Variants in PIK3C3 observed in about 807,000 individuals in gnomAD.
The protein encoded by PIK3C3 is PI3-kinase type 3.
A neutral mutation model predicts 126.1 loss-of-function variants in PIK3C3; 95 were observed. That is an observed-to-expected ratio of 0.75 (90% CI 0.64 to 0.89). PIK3C3 has a LOEUF of 0.89. Ranked by LOEUF, PIK3C3 falls within the 40% of genes least tolerant of loss-of-function variation. PIK3C3 has a pLI of 0.00. For missense variants in PIK3C3, 829 were observed against 1,063.2 expected, an observed-to-expected ratio of 0.78 and a Z score of 3.06; for synonymous variants, 374 against 360.0, an observed-to-expected ratio of 1.04 and a Z score of -0.44.
chr18:42,087,817 C>A lies in PIK3C3; in HGVS notation c.*6680C>A, dbSNP rs953706866. ...AGAATGTCTAATTCAATAAATGTTTCATAAATGAGTAAATGAATGTTTTAA... is the reference window on the plus strand; with the variant it reads ...AGAATGTCTAATTCAATAAATGTTTAATAAATGAGTAAATGAATGTTTTAA... On this transcript the variant is annotated 3_prime_UTR_variant, in exon 25 of 25. Transcript: ENST00000262039. 1 of 152,146 alleles carries A rather than the reference C, an allele frequency of 6.6e-6. No homozygotes were observed. The allele number at this position is 152,146 out of a possible 1,614,324, so 9.4% of individuals were successfully genotyped here.
At chr18:42,070,129 G>A (rs1437277190) in intron 24 of PIK3C3, among the ~76,000 whole-genome samples, 1 of 152,132 alleles carries the variant, frequency 6.6e-6, no homozygotes, top group East Asian at 1.9e-4. Flanking sequence ...TCAGACTCCT[G>A]CCCAAACTGC....
At chr18:42,076,089 CATATATATATATATATATATAT>C (rs71174077) in intron 24 of PIK3C3, among the ~76,000 whole-genome samples, 2 of 54,660 alleles carry the variant, frequency 3.7e-5, no homozygotes, top group Non-Finnish European at 6.6e-5. Flanking sequence ...CTTTACCTTG[CATATATATATATATATATATAT>C]ATATATATAT....
chr18:42,077,122 C>T (rs1217709357), intron 24 of PIK3C3, among the ~76,000 whole-genome samples: 1 of 152,194 alleles, frequency 6.6e-6, no homozygotes, highest in Non-Finnish European at 1.5e-5. Flanking sequence ...TATGCAGTAG[C>T]ATTATGTCTT....
chr18:41,994,954 C>T (rs1265103893), intron 7 of PIK3C3, among the ~76,000 whole-genome samples: 1 of 152,004 alleles, frequency 6.6e-6, no homozygotes, highest in East Asian at 1.9e-4. Context: ...AGGAGGATTG[C>T]TTGAACTCAG....
rs28653467 is a variant in PIK3C3 at position 42,066,049 on chromosome 18, G to T, written c.2523+1219G>T. 3.7e-3 allele frequency among the ~76,000 whole-genome samples: 558 copies of T among 152,204 alleles called. 1 individual carries two copies. The highest frequency in any genetic ancestry group is 0.012 in the African/African-American group (501 of 41,514). ...TTTCCTTAAAAATAGTTCCAAAATT[G>T]TCAGATATTCTCTCTGTAAGTAGAA... On this transcript the variant is annotated intron_variant, in intron 23 of 24. Transcript: ENST00000262039.
chr18:42,033,736 G>A, intron 15 of PIK3C3, 90 bp from the exon 16 acceptor site: 1 of 948,402 alleles, frequency 1.1e-6, no homozygotes, highest in South Asian at 1.7e-5. Flanking sequence ...ATACTTTTAA[G>A]TTAATGGAAT....
chr18:42,014,120 C>T (rs1164620946), intron 11 of PIK3C3, among the ~76,000 whole-genome samples: 56 of 145,234 alleles, frequency 3.9e-4, no homozygotes, highest in African/African-American at 7.7e-5. Context: ...GCCTGGCCAA[C>T]ATGGTGACAC....
chr18:42,028,894 C>CTTT (rs1352848805), intron 14 of PIK3C3, among the ~76,000 whole-genome samples: 9 of 152,082 alleles, frequency 5.9e-5, no homozygotes, highest in African/African-American at 2.2e-4. Context: ...TTGAAGTTTT[C>CTTT]TTTTTTTAAA....
In PIK3C3 at chr18:42,057,873, C is replaced by T. The variant is rs781412656; in HGVS notation, c.2264-10C>T. Reference sequence around the variant, plus strand: ...TTCTGGAAACAAATGAGTTTCTTGTCAACATCCAGGCAAACTCTTCCACAT... The same window carrying T: ...TTCTGGAAACAAATGAGTTTCTTGTTAACATCCAGGCAAACTCTTCCACAT... On this transcript the variant is annotated splice_polypyrimidine_tract_variant and intron_variant, in intron 21 of 24. Transcript: ENST00000262039. The T allele has an allele frequency of 6.2e-7, 1 of 1,612,686 alleles. No individual in the cohort carries two copies.
intron 2 of PIK3C3, among the ~76,000 whole-genome samples, chr18:41,960,871 AGCTGGGACTACAGGC>A (rs1264339090): frequency 2.6e-5 from 4 of 151,704 alleles, no homozygotes; most frequent in African/African-American, 9.7e-5. Context: ...CCTCCCAAGT[AGCTGGGACTACAGGC>A]GCGCACCACC....
At chr18:42,050,540 A>C (rs1984756710) in intron 21 of PIK3C3, 2 of 152,232 alleles carry the variant, frequency 1.3e-5, no homozygotes, top group Admixed American at 1.3e-4. Context: ...TTTCCATTTC[A>C]ATAGATAGCA....
chr18:42,033,175 G>A (rs941142348), intron 15 of PIK3C3, among the ~76,000 whole-genome samples: 1 of 152,242 alleles, frequency 6.6e-6, no homozygotes, highest in African/African-American at 2.4e-5. Context: ...AATAGAAGGG[G>A]TTCTTCTAAA....
chr18:41,988,949 T>C (rs921177886), intron 5 of PIK3C3, among the ~76,000 whole-genome samples: 4 of 152,182 alleles, frequency 2.6e-5, no homozygotes, highest in East Asian at 1.9e-4. Context: ...CCAGCCTTTT[T>C]CATATTTTTA....
chr18:42,058,963 C>G (rs1354389092), intron 22 of PIK3C3, among the ~76,000 whole-genome samples: 1 of 152,190 alleles, frequency 6.6e-6, no homozygotes, highest in Non-Finnish European at 1.5e-5. Flanking sequence ...CACATGGGTT[C>G]TGTTTCCTTT....
chr18:41,992,978 C>T (rs574167410), intron 6 of PIK3C3, among the ~76,000 whole-genome samples: 46 of 151,948 alleles, frequency 3.0e-4, no homozygotes, highest in East Asian at 5.8e-4. Context: ...ATTATATGAA[C>T]GAAGTTTAAA....
intron 4 of PIK3C3, among the ~76,000 whole-genome samples, chr18:41,983,971 CAG>C (rs1036141101): frequency 6.9e-6 from 1 of 145,534 alleles, no homozygotes; most frequent in African/African-American, 2.6e-5. Context: ...TTTTTTGTGA[CAG>C]TGTACTTTTC....
At position 42,060,796 on chromosome 18, in the gene PIK3C3, A is replaced by G. The variant is rs116165661; in HGVS notation, c.2432+2745A>G. 3.1e-3 allele frequency among the ~76,000 whole-genome samples: 467 copies of G among 152,238 alleles called. 1 individual carries two copies. The highest frequency in any genetic ancestry group is 0.011 in the African/African-American group (450 of 41,550). On this transcript the variant is annotated intron_variant, in intron 22 of 24. Coordinates refer to ENST00000262039, the MANE Select transcript of PIK3C3 (RefSeq NM_002647.4). ...TGTCTCAAAAAAAGAAAAAAAATTTAAAAAAATGTGTTTAACTATCAAGTA... is the reference window on the plus strand; with the variant it reads ...TGTCTCAAAAAAAGAAAAAAAATTTGAAAAAATGTGTTTAACTATCAAGTA...
intron 13 of PIK3C3, among the ~76,000 whole-genome samples, chr18:42,021,934 A>G (rs1983341313): frequency 6.6e-6 from 1 of 152,204 alleles, no homozygotes; most frequent in South Asian, 2.1e-4. Context: ...ATGCTGAACC[A>G]GTACTTTTGA....
intron 24 of PIK3C3, among the ~76,000 whole-genome samples, chr18:42,076,837 T>C (rs550579265): frequency 9.1e-4 from 138 of 152,362 alleles, no homozygotes; most frequent in African/African-American, 3.2e-3. Flanking sequence ...TTAACTGCTT[T>C]TAGTAAGGTT....
Sources: gnomAD v4.1 joint callset for allele counts (sites outside exome capture counted in the v4.1 genomes callset) on GRCh38, gnomAD v4.1.1 for gene constraint, MANE v1.5 for transcripts, NCBI Gene and HGNC (gene_info 2026-07-23, HGNC 2026-07-21) for gene names.